The following NCALD variants were observed in gnomAD, a reference collection of about 807,000 sequenced individuals.
NCALD encodes neurocalcin-delta.
In NCALD, 10 loss-of-function variants were observed where a neutral mutation model predicts 18.6. The ratio of observed to expected loss-of-function variants is 0.54; its 90% CI spans 0.33 to 0.91. The LOEUF is 0.91. Among genes scored for constraint, NCALD ranks in the 40% least tolerant of loss-of-function variants. The probability of loss-of-function intolerance (pLI) is 0.03; values close to 1 mark genes in which losing one functional copy is unlikely to be tolerated. For synonymous variants in NCALD, 88 were observed against 87.4 expected (o/e 1.01, Z -0.04); for missense variants, 184 against 247.6 (o/e 0.74, Z 1.72).
chr8:101,925,094 C>G (rs781197781), intron 2 of NCALD, among the ~76,000 whole-genome samples: 11 of 152,104 alleles, frequency 7.2e-5, no homozygotes, highest in Non-Finnish European at 1.6e-4. Flanking sequence ...AAACCAACCT[C>G]ATTCCAGAGA....
chr8:101,977,399 T>C (rs988920546), intron 2 of NCALD, among the ~76,000 whole-genome samples: 2 of 151,982 alleles, frequency 1.3e-5, no homozygotes, highest in Admixed American at 1.3e-4. Context: ...AATTGGGAGA[T>C]TTTTTTCCAT....
At chr8:101,951,162 C>T (rs935767732) in intron 2 of NCALD, among the ~76,000 whole-genome samples, 1 of 152,120 alleles carries the variant, frequency 6.6e-6, no homozygotes, top group African/African-American at 2.4e-5. Context: ...TAACTACAAC[C>T]TGTTGCAATA....
intron 4 of NCALD, among the ~76,000 whole-genome samples, chr8:101,879,478 G>A (rs1211686047): frequency 1.3e-5 from 2 of 152,158 alleles, no homozygotes; most frequent in East Asian, 3.8e-4. Flanking sequence ...CACTGTGAGT[G>A]TTACAGCTCA....
At chr8:101,746,744 C>T (rs985848392) in intron 1 of NCALD, among the ~76,000 whole-genome samples, 1 of 151,590 alleles carries the variant, frequency 6.6e-6, no homozygotes, top group Non-Finnish European at 1.5e-5. Flanking sequence ...TAATATATTA[C>T]ATTTATGTCT....
intron 4 of NCALD, among the ~76,000 whole-genome samples, chr8:101,883,616 G>A (rs1265668775): frequency 6.6e-6 from 1 of 152,174 alleles, no homozygotes; most frequent in Non-Finnish European, 1.5e-5. Flanking sequence ...TGGGTACTAT[G>A]AAGGACATCT....
intron 1 of NCALD, among the ~76,000 whole-genome samples, chr8:102,025,388 T>C (rs1053694292): frequency 6.6e-6 from 1 of 152,230 alleles, no homozygotes; most frequent in Admixed American, 6.5e-5. Context: ...ATTGAGGTTA[T>C]GACTTCAAAG....
chr8:101,987,657 CCT>C (rs1820865087), intron 2 of NCALD, among the ~76,000 whole-genome samples: 1 of 152,180 alleles, frequency 6.6e-6, no homozygotes, highest in African/African-American at 2.4e-5. Flanking sequence ...CAGCACCACC[CCT>C]GTCAGTATAC....
intron 3 of NCALD, among the ~76,000 whole-genome samples, chr8:101,906,065 A>G (rs577758032): frequency 3.0e-4 from 45 of 152,252 alleles, no homozygotes; most frequent in African/African-American, 9.9e-4. Context: ...GCTTACCATC[A>G]ATTATGGGTG....
chr8:102,109,066 T>G (rs1825564807), intron 1 of NCALD, among the ~76,000 whole-genome samples: 1 of 152,174 alleles, frequency 6.6e-6, no homozygotes. Context: ...CACTCTGAGC[T>G]TCTCAGACCG....
intron 1 of NCALD, among the ~76,000 whole-genome samples, chr8:101,729,223 A>G (rs376021293): frequency 1.8e-4 from 28 of 152,340 alleles, no homozygotes; most frequent in African/African-American, 6.7e-4. Context: ...GACTATACAT[A>G]CAAACTTCAT....
chr8:101,749,321 G>T (rs912315118), intron 1 of NCALD, among the ~76,000 whole-genome samples: 2 of 152,154 alleles, frequency 1.3e-5, no homozygotes, highest in African/African-American at 4.8e-5. Context: ...CTTCTCCAAA[G>T]AAGCAAAAAC....
intron 2 of NCALD, among the ~76,000 whole-genome samples, chr8:101,704,768 A>G (rs909936278): frequency 4.0e-5 from 6 of 151,626 alleles, no homozygotes; most frequent in Admixed American, 3.3e-4. Context: ...ACATAAACAA[A>G]AATTAGCCGG....
chr8:102,034,392 C>T (rs1822789858), intron 1 of NCALD, among the ~76,000 whole-genome samples: 1 of 152,176 alleles, frequency 6.6e-6, no homozygotes, highest in African/African-American at 2.4e-5. Flanking sequence ...TCAACAGAAG[C>T]ATTATAATGT....
At chr8:101,891,340 T>C (rs1286882769) in intron 3 of NCALD, among the ~76,000 whole-genome samples, 3 of 152,250 alleles carry the variant, frequency 2.0e-5, no homozygotes, top group Non-Finnish European at 4.4e-5. Flanking sequence ...TTGTCATTCC[T>C]AGAATATTAG....
chr8:102,052,593 T>C (rs2132227134), intron 1 of NCALD, among the ~76,000 whole-genome samples: 1 of 152,368 alleles, frequency 6.6e-6, no homozygotes, highest in African/African-American at 2.4e-5. Flanking sequence ...AAGACTTCCA[T>C]CTCTTCCCCA....
intron 1 of NCALD, among the ~76,000 whole-genome samples, chr8:102,031,595 G>A (rs1190691412): frequency 6.6e-6 from 1 of 152,110 alleles, no homozygotes; most frequent in African/African-American, 2.4e-5. Context: ...TAATGATGTA[G>A]TTTGATTTAA....
At chr8:102,014,605 A>C (rs896797980) in intron 2 of NCALD, among the ~76,000 whole-genome samples, 1 of 152,220 alleles carries the variant, frequency 6.6e-6, no homozygotes, top group Non-Finnish European at 1.5e-5. Flanking sequence ...AAAAGTAATA[A>C]GTTTTAAATA....
Position 101,779,589 on chromosome 8 carries a change from G to C in NCALD, c.-20+11273C>G, listed in dbSNP as rs566910033. Among the ~76,000 whole-genome samples, 7 of 152,298 alleles carry C rather than the reference G, an allele frequency of 4.6e-5. No individual in the cohort carries two copies. The East Asian group carries it at 1.4e-3, about 29-fold the overall frequency. ...ACAAAGTTAAGCCTCTCTGGTCAAA[G>C]GGGAAGGTCACTAGATGCAGTGGTT... On this transcript the variant is annotated intron_variant, in intron 1 of 3. Transcript: ENST00000220931.
intron 4 of NCALD, among the ~76,000 whole-genome samples, chr8:101,881,001 C>T (rs1816473012): frequency 6.6e-6 from 1 of 152,096 alleles, no homozygotes; most frequent in African/African-American, 2.4e-5. Context: ...TATTTCTGAA[C>T]AGCATCACGA....
Sources: gnomAD v4.1 joint callset for allele counts (sites outside exome capture counted in the v4.1 genomes callset) on GRCh38, gnomAD v4.1.1 for gene constraint, MANE v1.5 for transcripts, NCBI Gene and HGNC (gene_info 2026-07-23, HGNC 2026-07-21) for gene names.